The following HMGCLL1 variants were observed in gnomAD, a reference collection of about 807,000 sequenced individuals.
The protein encoded by HMGCLL1 is 3-hydroxy-3-methylglutaryl-CoA lyase like 1.
HMGCLL1 carries 36 observed loss-of-function variants against 39.1 expected under a neutral mutation model. That is an observed-to-expected ratio of 0.92 (90% confidence interval 0.71 to 1.22). The LOEUF (loss-of-function observed/expected upper bound fraction) is 1.22. Ranked by LOEUF, HMGCLL1 falls within the 50% of genes most tolerant of loss-of-function variation. The probability of loss-of-function intolerance (pLI) is 0.00; values close to 1 mark genes in which losing one functional copy is unlikely to be tolerated. For synonymous variants in HMGCLL1, 149 were observed against 144.0 expected (o/e 1.03, Z -0.25); for missense variants, 451 against 416.5 (o/e 1.08, Z -0.72).
At chr6:55,484,267 T>G (rs764847237) in intron 7 of HMGCLL1, among the ~76,000 whole-genome samples, 6 of 152,020 alleles carry the variant, frequency 3.9e-5, no homozygotes, top group Non-Finnish European at 7.4e-5. Flanking sequence ...TTTTTGAGAC[T>G]CTAGGGCTCA....
chr6:55,547,650 A>C (rs1397337964), intron 1 of HMGCLL1, among the ~76,000 whole-genome samples: 1 of 152,030 alleles, frequency 6.6e-6, no homozygotes, highest in African/African-American at 2.4e-5. Flanking sequence ...TACACAGATC[A>C]GAGGGCTGAA....
the HMGCLL1 span, among the ~76,000 whole-genome samples, chr6:55,646,597 T>C: frequency 2.6e-5 from 4 of 151,978 alleles, no homozygotes; most frequent in African/African-American, 2.4e-5. Context: ...TGTGTTTCCA[T>C]CATAATTTGT....
the HMGCLL1 span, among the ~76,000 whole-genome samples, chr6:55,638,811 T>G: frequency 6.6e-6 from 1 of 152,268 alleles, no homozygotes; most frequent in African/African-American, 2.4e-5. Flanking sequence ...GTAAAAGAGA[T>G]AAATTAAATA....
the HMGCLL1 span, among the ~76,000 whole-genome samples, chr6:55,623,649 C>A: frequency 3.9e-4 from 58 of 149,086 alleles, no homozygotes; most frequent in African/African-American, 1.4e-3. Context: ...CATATATACA[C>A]AAATAATATA....
chr6:55,587,487 C>T, the HMGCLL1 span, among the ~76,000 whole-genome samples: 6 of 151,868 alleles, frequency 4.0e-5, no homozygotes, highest in South Asian at 2.1e-4. Context: ...AGGAAGAAAC[C>T]GCATCAACTA....
At chr6:55,673,230 G>A in the HMGCLL1 span, among the ~76,000 whole-genome samples, 1 of 152,034 alleles carries the variant, frequency 6.6e-6, no homozygotes, top group East Asian at 1.9e-4. Flanking sequence ...CAGGAAACTG[G>A]TTTCTCTCTT....
chr6:55,650,122 TATATATATATATACACACAC>T, the HMGCLL1 span, among the ~76,000 whole-genome samples: 106 of 78,608 alleles, frequency 1.3e-3, no homozygotes, highest in African/African-American at 1.8e-3. Flanking sequence ...TATATATATA[TATATATATATATACACACAC>T]ACACACATAT....
At chr6:55,461,719 T>C (rs1399859607) in intron 7 of HMGCLL1, among the ~76,000 whole-genome samples, 3 of 152,116 alleles carry the variant, frequency 2.0e-5, no homozygotes, top group Non-Finnish European at 4.4e-5. Flanking sequence ...AGCAAAGTAA[T>C]AGTTCATATT....
At chr6:55,547,073 G>C (rs910442219) in intron 1 of HMGCLL1, among the ~76,000 whole-genome samples, 27 of 152,138 alleles carry the variant, frequency 1.8e-4, no homozygotes, top group South Asian at 6.2e-4. Flanking sequence ...AGACCTGAAA[G>C]AGATTAAATG....
At chr6:55,447,416 AC>A (rs1055890487) in intron 7 of HMGCLL1, among the ~76,000 whole-genome samples, 8 of 152,164 alleles carry the variant, frequency 5.3e-5, no homozygotes, top group African/African-American at 1.9e-4. Context: ...TTGAGGAATG[AC>A]TAAGCTAATG....
chr6:55,452,881 T>G (rs958814200), intron 7 of HMGCLL1, among the ~76,000 whole-genome samples: 3 of 152,186 alleles, frequency 2.0e-5, no homozygotes, highest in African/African-American at 7.2e-5. Context: ...CAAAGAACTT[T>G]AATACAAAGT....
chr6:55,572,493 T>G (rs1334760165), intron 1 of HMGCLL1, among the ~76,000 whole-genome samples: 1 of 152,122 alleles, frequency 6.6e-6, no homozygotes, highest in Non-Finnish European at 1.5e-5. Context: ...TAACATTATT[T>G]AAAATATATA....
chr6:55,498,714 T>G (rs571224824), intron 6 of HMGCLL1, among the ~76,000 whole-genome samples: 1 of 152,126 alleles, frequency 6.6e-6, no homozygotes, highest in Non-Finnish European at 1.5e-5. Flanking sequence ...ATCAGGGCCT[T>G]AATGACTATA....
intron 5 of HMGCLL1, among the ~76,000 whole-genome samples, chr6:55,508,869 G>A (rs1295714172): frequency 6.6e-6 from 1 of 151,114 alleles, no homozygotes; most frequent in South Asian, 2.1e-4. Context: ...CCCAGGTATG[G>A]CAAGGTATAA....
At chr6:55,635,113 A>G in the HMGCLL1 span, among the ~76,000 whole-genome samples, 13 of 152,202 alleles carry the variant, frequency 8.5e-5, no homozygotes, top group African/African-American at 2.6e-4. Flanking sequence ...ATTCGTATAG[A>G]TGTTTTTCAT....
intron 7 of HMGCLL1, among the ~76,000 whole-genome samples, chr6:55,458,077 A>G (rs919341005): frequency 6.6e-6 from 1 of 152,198 alleles, no homozygotes; most frequent in Non-Finnish European, 1.5e-5. Context: ...TTTTCTAGAA[A>G]CTATTCAATA....
intron 7 of HMGCLL1, among the ~76,000 whole-genome samples, chr6:55,454,620 C>G (rs1227952513): frequency 6.6e-6 from 1 of 152,122 alleles, no homozygotes; most frequent in Admixed American, 6.6e-5. Context: ...GTTTGGGTAC[C>G]ATCACAAGGA....
At chr6:55,602,008 C>T in the HMGCLL1 span, among the ~76,000 whole-genome samples, 8 of 152,088 alleles carry the variant, frequency 5.3e-5, no homozygotes, top group South Asian at 4.1e-4. Context: ...ACAAAAATTT[C>T]TTCATTTTTA....
the HMGCLL1 span, among the ~76,000 whole-genome samples, chr6:55,593,557 AC>A: frequency 4.3e-4 from 65 of 152,144 alleles, no homozygotes; most frequent in Admixed American, 4.3e-3. Flanking sequence ...CTTTGTAAGT[AC>A]TTTGTCTTCA....
Sources: gnomAD v4.1 joint callset for allele counts (sites outside exome capture counted in the v4.1 genomes callset) on GRCh38, gnomAD v4.1.1 for gene constraint, MANE v1.5 for transcripts, NCBI Gene and HGNC (gene_info 2026-07-23, HGNC 2026-07-21) for gene names.